Variants in TPCN1 observed in about 807,000 individuals in gnomAD.
TPCN1 encodes two pore channel protein 1.
TPCN1 carries 52 observed loss-of-function variants against 108.8 expected under a neutral mutation model. That is an observed-to-expected ratio of 0.48 (90% CI 0.38 to 0.60). The LOEUF (loss-of-function observed/expected upper bound fraction) is 0.60. Ranked by LOEUF, TPCN1 falls within the 20% of genes least tolerant of loss-of-function variation. The pLI, the probability that TPCN1 is intolerant of heterozygous loss-of-function variation, is 0.00. For synonymous variants in TPCN1, 446 were observed against 433.7 expected (o/e 1.03, Z -0.35); for missense variants, 806 against 1,072.8 (o/e 0.75, Z 3.47).
intron 7 of TPCN1, among the ~76,000 whole-genome samples, chr12:113,271,246 C>A (rs1183199921): frequency 6.6e-6 from 1 of 152,134 alleles, no homozygotes; most frequent in Non-Finnish European, 1.5e-5. Context: ...AACTGCATTC[C>A]AGCCTGGGCA....
Position 113,277,350 on chromosome 12 carries a change from C to T in TPCN1, c.1170C>T (p.Asn390=), listed in dbSNP as rs375331511. The stretch of plus-strand genomic sequence containing the variant: ...CCTTCAAGGCCCTGAATCAGAACAA[C>T]ACACCCCTGCTCAGGTAAGAGCAGA... The part of the protein sequence containing the change: ...YLTFKALNQN[N]TPLLSLKDFY... The change falls in exon 12 of 28, where the codon AAC becomes AAT. Residue 390 remains asparagine, a synonymous_variant. Coordinates refer to ENST00000335509, the MANE Select transcript of TPCN1 (RefSeq NM_017901.6). 5.0e-6 allele frequency: 8 copies of T among 1,614,178 alleles called. No individual in the cohort carries two copies. Among genetic ancestry groups the T allele is most frequent in the East Asian group, 2.2e-5 (1 of 44,882 alleles).
chr12:113,269,409 G>A lies in TPCN1; in HGVS notation c.660-348G>A, dbSNP rs775505847. Among the ~76,000 whole-genome samples the A allele has an allele frequency of 1.1e-4, 16 of 152,204 alleles. No individual in the cohort carries two copies. Among genetic ancestry groups the A allele is most frequent in the Non-Finnish European group, 1.9e-4 (13 of 68,042 alleles). On this transcript the variant is annotated intron_variant, in intron 6 of 27. Transcript: ENST00000335509. This position sits in a 1 kb window ranked among gnomAD's most constrained non-coding sequence, Gnocchi z 5.0. ...CAGTGTCCCAGGACTAAGTGGCCTT[G>A]AAATGTCTTCATGCCTTCCACATCC... is the stretch of plus-strand genomic sequence containing the variant.
Position 113,286,046 on chromosome 12 carries a change from C to CA in TPCN1, c.1526+86dup, listed in dbSNP as rs1956064428. 3 of 1,253,200 alleles carry CA rather than the reference C, an allele frequency of 2.4e-6. No individual in the cohort carries two copies. In the Admixed American group the frequency reaches 5.1e-5, roughly 21 times the overall value. The allele number at this position is 1,253,200 out of a possible 1,614,324, so 77.6% of individuals were successfully genotyped here. Reference sequence around the variant, plus strand: ...TTCTCTGCACACCCTGATCCCGGGCCATTTCTGGAATCGCAGAGGGAGGGT... The same window carrying CA: ...TTCTCTGCACACCCTGATCCCGGGCCAATTTCTGGAATCGCAGAGGGAGGGT... On this transcript the variant is annotated intron_variant, in intron 18 of 27. Coordinates refer to ENST00000335509, the MANE Select transcript of TPCN1 (RefSeq NM_017901.6).
chr12:113,275,011 C>T (rs1453231967), intron 10 of TPCN1, among the ~76,000 whole-genome samples: 2 of 152,206 alleles, frequency 1.3e-5, no homozygotes, highest in Admixed American at 1.3e-4. Context: ...TGTGGACAGC[C>T]TCCAGGAGTG....
intron 2 of TPCN1, among the ~76,000 whole-genome samples, chr12:113,253,730 T>C (rs1954731123): frequency 6.6e-6 from 1 of 152,222 alleles, no homozygotes; most frequent in Non-Finnish European, 1.5e-5. Flanking sequence ...TCTCTGTTAG[T>C]CACAGCAGTC....
chr12:113,278,373 C>A, intron 13 of TPCN1, 136 bp downstream of exon 13: 1 of 759,106 alleles, frequency 1.3e-6, no homozygotes, highest in Non-Finnish European at 2.3e-6. Flanking sequence ...TGGTACACTT[C>A]AGGGATCACA....
intron 1 of TPCN1, among the ~76,000 whole-genome samples, chr12:113,222,514 C>T (rs61943579): frequency 0.059 from 8,968 of 152,290 alleles, 359 homozygotes; most frequent in Middle Eastern, 0.071. Flanking sequence ...CAAGTTGTGA[C>T]AGTCAAGATG....
chr12:113,238,310 C>G (rs1339436701), intron 2 of TPCN1, among the ~76,000 whole-genome samples: 2 of 152,106 alleles, frequency 1.3e-5, no homozygotes, highest in Non-Finnish European at 2.9e-5. Flanking sequence ...GCAGCAGTGC[C>G]GCTTATTTTT....
Position 113,297,714 on chromosome 12 carries a change from A to G in TPCN1, c.*1638A>G, listed in dbSNP as rs1956472815. On this transcript the variant is annotated 3_prime_UTR_variant, in exon 28 of 28. Coordinates refer to ENST00000335509, the MANE Select transcript of TPCN1 (RefSeq NM_017901.6). This position sits in a 1 kb window ranked among gnomAD's most constrained non-coding sequence, Gnocchi z 4.4. ...ACTCACTGTGATTCCCCCGGGAGTC[A>G]GACTGGCTTTGTCCTCTTCCTCTCT... The G allele has an allele frequency of 6.6e-6, 1 of 152,440 alleles. No individual in the cohort carries two copies. The highest frequency in any genetic ancestry group is 1.5e-5 in the Non-Finnish European group (1 of 68,070). The allele number at this position is 152,440 out of a possible 1,614,324, so 9.4% of individuals were successfully genotyped here.
intron 3 of TPCN1, among the ~76,000 whole-genome samples, chr12:113,260,895 T>G (rs1042122428): frequency 6.6e-6 from 1 of 152,042 alleles, no homozygotes; most frequent in Non-Finnish European, 1.5e-5. Context: ...TTTTTTTTTT[T>G]GAAAAATATA....
chr12:113,293,895 C>T (rs1956349498), intron 27 of TPCN1, among the ~76,000 whole-genome samples: 1 of 152,074 alleles, frequency 6.6e-6, no homozygotes, highest in African/African-American at 2.4e-5. Context: ...TGGAGTGCAG[C>T]AGCACGATCT....
chr12:113,277,961 T>C (rs750269870), intron 12 of TPCN1, among the ~76,000 whole-genome samples: 1 of 152,184 alleles, frequency 6.6e-6, no homozygotes, highest in Non-Finnish European at 1.5e-5. Context: ...GTTAGTGCCA[T>C]CGGTGGAGAC....
intron 2 of TPCN1, among the ~76,000 whole-genome samples, chr12:113,235,674 C>T (rs1026615532): frequency 6.6e-6 from 1 of 152,134 alleles, no homozygotes; most frequent in African/African-American, 2.4e-5. Flanking sequence ...AGTATAGTTA[C>T]AGCTTGGTCT....
Position 113,295,922 on chromosome 12 carries a change from G to A in TPCN1, c.2335-38G>A, listed in dbSNP as rs964084102. ...GTGGGGTGGGCGGGGCAGGGGGTGG[G>A]GTGCAGCCCTCAGCACCCCTTCTGC... On this transcript the variant is annotated intron_variant, in intron 27 of 27. Transcript: ENST00000335509. The A allele has an allele frequency of 1.2e-5, 19 of 1,532,466 alleles. No individual in the cohort carries two copies. In the African/African-American group the frequency reaches 2.6e-4, roughly 21 times the overall value. 94.9% of individuals were successfully genotyped at this position (1,532,466 alleles called of 1,614,324 possible).
chr12:113,291,937 C>T lies in TPCN1; in HGVS notation c.2092C>T (p.Arg698Cys), dbSNP rs1956283932. The T allele has an allele frequency of 1.9e-6, 3 of 1,614,092 alleles. No homozygotes were observed. The highest frequency in any genetic ancestry group is 2.5e-6 in the Non-Finnish European group (3 of 1,179,978). ...EAFVFRMNYS[R>C]KNQDSEVDGG... is the part of the protein sequence containing the mutation. The stretch of plus-strand genomic sequence containing the variant: ...CTTCGTCTTCCGAATGAACTACAGC[C>T]GCAAGAACCAGGACTCGGAAGGTCT... The change falls in exon 25 of 28, where the codon CGC (arginine) becomes TGC (cysteine). Residue 698 changes from arginine to cysteine, a missense_variant. Arg to Cys is a radical substitution (Grantham distance 180). Coordinates refer to ENST00000335509, the MANE Select transcript of TPCN1 (RefSeq NM_017901.6).
At chr12:113,291,124 T>G in intron 23 of TPCN1, 126 bp downstream of exon 23, 1 of 962,634 alleles carries the variant, frequency 1.0e-6, no homozygotes, top group Non-Finnish European at 1.6e-6. Flanking sequence ...AGTCATGCTG[T>G]GTTGGTGTTC....
At chr12:113,237,899 C>G (rs911321477) in intron 2 of TPCN1, among the ~76,000 whole-genome samples, 2 of 152,218 alleles carry the variant, frequency 1.3e-5, no homozygotes, top group Admixed American at 6.5e-5. Context: ...CCTAATCCCA[C>G]CACACCCAGC....
intron 2 of TPCN1, among the ~76,000 whole-genome samples, chr12:113,229,294 T>G (rs1208251303): frequency 6.6e-6 from 1 of 152,250 alleles, no homozygotes; most frequent in Non-Finnish European, 1.5e-5. Flanking sequence ...TGGGTCATTT[T>G]TTAAAACCTC....
At position 113,292,066 on chromosome 12, in the gene TPCN1, T is replaced by C. The variant is rs1389376523; in HGVS notation, c.2113+108T>C. ...AGCCATCAGGCTGTCATTTTTCTGC[T>C]GTCTGGCTGTCCAGCTTATCTATCT... On this transcript the variant is annotated intron_variant, in intron 25 of 27. Coordinates refer to ENST00000335509, the MANE Select transcript of TPCN1 (RefSeq NM_017901.6). The C allele has an allele frequency of 4.6e-6, 4 of 866,990 alleles. No individual in the cohort carries two copies. In the Admixed American group the frequency reaches 7.1e-5, roughly 15 times the overall value. The allele number at this position is 866,990 out of a possible 1,614,324, so 53.7% of individuals were successfully genotyped here.
Sources: gnomAD v4.1 joint callset for allele counts (sites outside exome capture counted in the v4.1 genomes callset) on GRCh38, gnomAD v4.1.1 for gene constraint, Gnocchi (gnomAD v3.1) non-coding constraint, MANE v1.5 for transcripts, NCBI Gene and HGNC (gene_info 2026-07-23, HGNC 2026-07-21) for gene names.